Variants in OPRM1 observed in about 807,000 individuals in gnomAD.
The protein encoded by OPRM1 is mu-type opioid receptor.
Under a neutral mutation model 31.8 loss-of-function variants are expected in OPRM1, and 27 were observed. That is an observed-to-expected ratio of 0.85 (90% CI 0.63 to 1.17). The LOEUF is 1.17. Ranked by LOEUF, OPRM1 falls within the 50% of genes most tolerant of loss-of-function variation. The pLI, the probability that OPRM1 is intolerant of heterozygous loss-of-function variation, is 0.00. For missense variants in OPRM1, 536 were observed against 511.1 expected (o/e 1.05, Z -0.47); for synonymous variants, 196 against 189.9 (o/e 1.03, Z -0.26).
chr6:154,134,308 C>T (rs1243671781), downstream of OPRM1, among the ~76,000 whole-genome samples: 8 of 152,176 alleles, frequency 5.3e-5, no homozygotes, highest in African/African-American at 1.9e-4. Context: ...GGAGAGAGAC[C>T]TCACCATGGG....
rs1384073647 is a variant in OPRM1 at position 154,025,560 on chromosome 6, A to G, written c.1-13601A>G. 2.0e-5 allele frequency among the ~76,000 whole-genome samples: 3 copies of G among 151,884 alleles called. No homozygotes were observed. In the East Asian group the frequency reaches 5.8e-4, roughly 29 times the overall value. Reference sequence around the variant, plus strand: ...TGATAAGTAAGCAATTATTCCTCCCATTTGGTTATTTGTTTTCTGGTTGTT... The same window carrying G: ...TGATAAGTAAGCAATTATTCCTCCCGTTTGGTTATTTGTTTTCTGGTTGTT... On this transcript the variant is annotated intron_variant, in intron 1 of 5. Transcript: ENST00000434900.
rs191186768 is a variant in OPRM1 at position 154,130,241 on chromosome 6, T to C, written c.*11520T>C. ...TGGAGTGCAGTGGCTCAATCTTGGC[T>C]CACTGCAACCTCTGCCTCCCGGGTT... On this transcript the variant is annotated 3_prime_UTR_variant, in exon 4 of 4. Transcript: ENST00000330432. Among the ~76,000 whole-genome samples, 179 of 150,576 alleles carry C rather than the reference T, an allele frequency of 1.2e-3. No homozygotes were observed. The highest frequency in any genetic ancestry group is 4.1e-3 in the African/African-American group (169 of 40,942).
At chr6:154,240,550 TG>T (rs1780497241) in intron 3 of OPRM1, among the ~76,000 whole-genome samples, 1 of 151,950 alleles carries the variant, frequency 6.6e-6, no homozygotes, top group Non-Finnish European at 1.5e-5. Context: ...CTATATTTAC[TG>T]AAACTTGCAG....
At chr6:154,082,101 G>A (rs1010779621) in intron 1 of OPRM1, among the ~76,000 whole-genome samples, 3 of 152,130 alleles carry the variant, frequency 2.0e-5, no homozygotes, top group Admixed American at 1.3e-4. Flanking sequence ...ATAGTGAACT[G>A]GCACAGCAAA....
chr6:154,026,288 A>G (rs939232307), intron 1 of OPRM1, among the ~76,000 whole-genome samples: 13 of 152,224 alleles, frequency 8.5e-5, no homozygotes, highest in Middle Eastern at 3.4e-3. Flanking sequence ...TTTCCACTGA[A>G]AAGGCTGCCT....
In OPRM1 at chr6:154,189,906, T is replaced by G. The variant is rs552521134; in HGVS notation, c.1165-56787T>G. Among the ~76,000 whole-genome samples, 3 of 151,612 alleles carry G rather than the reference T, an allele frequency of 2.0e-5. No individual in the cohort carries two copies. The East Asian group carries it at 5.8e-4, about 29-fold the overall frequency. On this transcript the variant is annotated intron_variant, in intron 3 of 3. Transcript: ENST00000337049. ...TTGCAGTGAGCCGAGAATGCACCAC[T>G]ACACTCCAGCCTGGGCGACAGAGTA...
chr6:154,027,263 C>T (rs2128385429), intron 1 of OPRM1, among the ~76,000 whole-genome samples: 1 of 148,966 alleles, frequency 6.7e-6, no homozygotes, highest in African/African-American at 2.5e-5. Context: ...TCTGAATTAC[C>T]AGGTAGAGAC....
chr6:154,122,960 CGTT>C lies in OPRM1; in HGVS notation c.*4242_*4244del, dbSNP rs1351290858. 7.2e-5 allele frequency among the ~76,000 whole-genome samples: 11 copies of C among 152,198 alleles called. No individual in the cohort carries two copies. The highest frequency in any genetic ancestry group is 1.9e-4 in the East Asian group (1 of 5,188). On this transcript the variant is annotated 3_prime_UTR_variant, in exon 4 of 4. Transcript: ENST00000330432. Reference sequence around the variant, plus strand: ...CATTGTCTAAGGTGTTATCCGAGCTCGTTGTCTCACAACCAAGAAAATTAAGGA... The same window carrying C: ...CATTGTCTAAGGTGTTATCCGAGCTCGTCTCACAACCAAGAAAATTAAGGA...
chr6:154,083,669 G>A (rs1413428758), intron 1 of OPRM1: 1 of 152,482 alleles, frequency 6.6e-6, no homozygotes, highest in Non-Finnish European at 1.5e-5. Context: ...TCAGCCGGGT[G>A]CGATGGCTCA....
intron 3 of OPRM1, among the ~76,000 whole-genome samples, chr6:154,181,737 G>A (rs532276055): frequency 6.6e-6 from 1 of 152,162 alleles, no homozygotes; most frequent in Admixed American, 6.5e-5. Context: ...CGCAGGGCAC[G>A]AGACCTGAGA....
chr6:154,078,446 C>A (rs1476421742), intron 1 of OPRM1, among the ~76,000 whole-genome samples: 1 of 152,108 alleles, frequency 6.6e-6, no homozygotes, highest in Non-Finnish European at 1.5e-5. Flanking sequence ...GGAAAAAGAA[C>A]CCACAGGGAG....
Position 154,118,807 on chromosome 6 carries a change from C to T in OPRM1, c.*86C>T. The T allele has an allele frequency of 1.3e-6, 2 of 1,573,378 alleles. No individual in the cohort carries two copies. The highest frequency in any genetic ancestry group is 1.7e-6 in the Non-Finnish European group (2 of 1,164,592). On this transcript the variant is annotated 3_prime_UTR_variant, in exon 4 of 4. Transcript: ENST00000330432. The stretch of plus-strand genomic sequence containing the variant: ...GGTTGCTTCAAGAATGTGTAGGAGG[C>T]TCTAATTCTCTAGGAAAGTGCCTGC...
At chr6:154,143,497 A>G (rs1798274774) in intron 3 of OPRM1, among the ~76,000 whole-genome samples, 1 of 152,278 alleles carries the variant, frequency 6.6e-6, no homozygotes, top group African/African-American at 2.4e-5. Context: ...AAAGAGTAAC[A>G]AGACCACAGA....
upstream of OPRM1, among the ~76,000 whole-genome samples, chr6:154,038,941 C>G (rs141152060): frequency 8.5e-5 from 13 of 152,234 alleles, no homozygotes; most frequent in East Asian, 2.1e-3. Context: ...AATTGTGTGT[C>G]CCCCATTCCT....
At chr6:154,181,419 C>T (rs1037318518) in intron 3 of OPRM1, among the ~76,000 whole-genome samples, 1 of 152,188 alleles carries the variant, frequency 6.6e-6, no homozygotes, top group East Asian at 1.9e-4. Flanking sequence ...TCACCAAATT[C>T]ACAAAGAGAC....
chr6:154,091,367 T>C lies in OPRM1; in HGVS notation c.1059T>C (p.Cys353=), dbSNP rs1792142825. The C allele has an allele frequency of 6.2e-7, 1 of 1,614,110 alleles. No homozygotes were observed. Residue 353 remains cysteine (C), a synonymous_variant, in exon 3 of 4, where the codon TGT becomes TGC. Transcript: ENST00000330432. ...ENFKRCFREF[C]IPTSSNIEQQ... ...TCAAACGATGCTTCAGAGAGTTCTG[T>C]ATCCCAACCTCTTCCAACATTGAGC...
At chr6:154,092,350 G>C (rs1792459734) in intron 3 of OPRM1, among the ~76,000 whole-genome samples, 1 of 151,996 alleles carries the variant, frequency 6.6e-6, no homozygotes, top group African/African-American at 2.4e-5. Context: ...TCAAATACAT[G>C]GCTTAATTTT....
chr6:154,012,846 T>C (rs762633205), intron 1 of OPRM1, among the ~76,000 whole-genome samples: 3 of 152,092 alleles, frequency 2.0e-5, no homozygotes, highest in Non-Finnish European at 4.4e-5. Flanking sequence ...TAGCCGTCCT[T>C]TGCTGTGTCT....
At chr6:154,134,595 A>G (rs1205706346), downstream of OPRM1, among the ~76,000 whole-genome samples, 1 of 152,056 alleles carries the variant, frequency 6.6e-6, no homozygotes, top group Non-Finnish European at 1.5e-5. Flanking sequence ...GAGACATAAT[A>G]TATCCAGAAG....
Sources: allele counts gnomAD v4.1 joint callset (sites outside exome capture counted in the v4.1 genomes callset), GRCh38; gene constraint gnomAD v4.1.1; transcripts MANE v1.5; gene names NCBI Gene and HGNC (gene_info 2026-07-23, HGNC 2026-07-21).